Variants in CDH11 observed in about 807,000 individuals in gnomAD.
CDH11 encodes cadherin-11.
Under a neutral mutation model 67.8 loss-of-function variants are expected in CDH11, and 11 were observed. The observed-to-expected ratio is 0.16, with a 90% CI of 0.10 to 0.27. The LOEUF (loss-of-function observed/expected upper bound fraction) is 0.27. Ranked by LOEUF, CDH11 falls within the 10% of genes least tolerant of loss-of-function variation. CDH11 has a pLI of 1.00. For missense variants in CDH11, 847 were observed against 1,031.2 expected, an observed-to-expected ratio of 0.82 and a Z score of 2.45; for synonymous variants, 419 against 400.0, an observed-to-expected ratio of 1.05 and a Z score of -0.57.
At chr16:64,969,157 C>T (rs1255007309) in intron 11 of CDH11, among the ~76,000 whole-genome samples, 2 of 152,060 alleles carry the variant, frequency 1.3e-5, no homozygotes, top group South Asian at 2.1e-4. Flanking sequence ...AGATGGTATC[C>T]GCAAAGTATT....
intron 1 of CDH11, among the ~76,000 whole-genome samples, chr16:65,088,213 G>C (rs1026377955): frequency 6.6e-6 from 1 of 152,104 alleles, no homozygotes; most frequent in Non-Finnish European, 1.5e-5. Flanking sequence ...ACCAGACACC[G>C]AATCAGCTGG....
chr16:64,980,222 C>T (rs1900291803), intron 8 of CDH11, among the ~76,000 whole-genome samples: 1 of 151,956 alleles, frequency 6.6e-6, no homozygotes, highest in Admixed American at 6.6e-5. Flanking sequence ...AAAGTTCATG[C>T]TTCATGATAT....
intron 7 of CDH11, among the ~76,000 whole-genome samples, chr16:64,984,003 G>C (rs1365901973): frequency 6.6e-6 from 1 of 152,192 alleles, no homozygotes; most frequent in Non-Finnish European, 1.5e-5. Flanking sequence ...AGCCCTGTGG[G>C]TGTTGAGGAT....
chr16:64,972,849 T>C (rs758204400), intron 9 of CDH11, 55 bp downstream of exon 9: 46 of 1,581,214 alleles, frequency 2.9e-5, no homozygotes, highest in Middle Eastern at 1.7e-4. Context: ...GAATATAGAG[T>C]CTGAAGCGAT....
chr16:65,090,468 C>T (rs2074775103), intron 1 of CDH11, among the ~76,000 whole-genome samples: 1 of 152,130 alleles, frequency 6.6e-6, no homozygotes, highest in African/African-American at 2.4e-5. Context: ...TTCTCCCCAT[C>T]TGCATCTTGA....
chr16:64,982,387 G>T, intron 7 of CDH11, 86 bp from the exon 8 acceptor site: 1 of 978,270 alleles, frequency 1.0e-6, no homozygotes, highest in Non-Finnish European at 1.6e-6. Flanking sequence ...AGGGACGAGT[G>T]AATATTCCTC....
Position 64,944,735 on chromosome 16 carries a change from C to T in CDH11, c.*2868G>A. 4.3e-6 allele frequency: 1 copy of T among 231,616 alleles called. No individual in the cohort carries two copies. The highest frequency in any genetic ancestry group is 8.6e-6 in the Non-Finnish European group (1 of 116,956). The allele number at this position is 231,616 out of a possible 1,614,324, so 14.3% of individuals were successfully genotyped here. On this transcript the variant is annotated 3_prime_UTR_variant, in exon 13 of 13. Coordinates refer to ENST00000268603, the MANE Select transcript of CDH11 (RefSeq NM_001797.4). ...AGAAACCCAGGCCTAAAAGAAATAA[C>T]TTAGCTAAACCCAAGATCTGTCCAG...
intron 11 of CDH11, 21 bp from the exon 12 acceptor site, chr16:64,951,039 G>C (rs760705911): frequency 2.5e-6 from 4 of 1,606,468 alleles, no homozygotes. Context: ...AGGGGAGACA[G>C]GCCGTGCGCC....
intron 11 of CDH11, among the ~76,000 whole-genome samples, chr16:64,967,505 A>T (rs2071871484): frequency 6.6e-6 from 1 of 152,184 alleles, no homozygotes; most frequent in Non-Finnish European, 1.5e-5. Context: ...TTTATCCTAA[A>T]AGAATAATTA....
rs767357192 is a variant in CDH11 at position 64,950,930 on chromosome 16, G to C, written c.1731C>G (p.Gly577=). 5.0e-6 allele frequency: 8 copies of C among 1,614,038 alleles called. No homozygotes were observed. Among genetic ancestry groups the C allele is most frequent in the East Asian group, 2.2e-5 (1 of 44,874 alleles). Residue 577 remains glycine (G), a synonymous_variant, in exon 12 of 13, where the codon GGC becomes GGG. Coordinates refer to ENST00000268603, the MANE Select transcript of CDH11 (RefSeq NM_001797.4). ...LYLLPIVISD[G]GIPPMSSTNT... ...TGGTGCTACTCATGGGCGGGATGCC[G>C]CCATCGCTGATCACTATGGGCAGAA...
chr16:64,948,488 G>A (rs1228586192), intron 12 of CDH11: 13 of 876,082 alleles, frequency 1.5e-5, no homozygotes, highest in Non-Finnish European at 2.0e-5. Flanking sequence ...TTTTTCCAAG[G>A]TTTAAAAATG....
intron 8 of CDH11, among the ~76,000 whole-genome samples, chr16:64,978,432 T>C (rs2072239310): frequency 6.6e-6 from 1 of 152,152 alleles, no homozygotes. Flanking sequence ...ACATAGATAA[T>C]ATGCAAACAA....
At chr16:64,965,239 G>A (rs566920717) in intron 11 of CDH11, among the ~76,000 whole-genome samples, 62 of 142,576 alleles carry the variant, frequency 4.3e-4, no homozygotes, top group African/African-American at 1.5e-3. Context: ...AAAATTAGCC[G>A]GGTGTGCTGG....
At chr16:64,969,341 G>A (rs1046679571) in intron 11 of CDH11, among the ~76,000 whole-genome samples, 1 of 152,128 alleles carries the variant, frequency 6.6e-6, no homozygotes. Context: ...CTGTTTGTAG[G>A]TGTCCCATGA....
chr16:65,104,389 A>G (rs2075037380), intron 1 of CDH11, among the ~76,000 whole-genome samples: 1 of 152,222 alleles, frequency 6.6e-6, no homozygotes, highest in South Asian at 2.1e-4. Context: ...AGTAAGATGC[A>G]TAAACTCTTT....
chr16:65,005,932 C>G (rs767465004), intron 2 of CDH11, among the ~76,000 whole-genome samples: 8 of 152,190 alleles, frequency 5.3e-5, no homozygotes, highest in Non-Finnish European at 8.8e-5. Flanking sequence ...CCAGTAATGC[C>G]TTTCACCTTT....
At chr16:65,102,138 C>T (rs1164172250) in intron 1 of CDH11, among the ~76,000 whole-genome samples, 1 of 152,168 alleles carries the variant, frequency 6.6e-6, no homozygotes, top group Non-Finnish European at 1.5e-5. Context: ...AAAATGCCTG[C>T]AGACAACAGC....
Position 65,045,329 on chromosome 16 carries a change from G to GTATATATATATATATA in CDH11, c.-173+8459_-173+8474dup, listed in dbSNP as rs57695452. On this transcript the variant is annotated intron_variant, in intron 2 of 12. Coordinates refer to ENST00000268603, the MANE Select transcript of CDH11 (RefSeq NM_001797.4). ...TTTTAAAAATTTGTTTCCCTCAAAA[G>GTATATATATATATATA]TATATATATATATATATATATATAT... 1.6e-3 allele frequency among the ~76,000 whole-genome samples: 102 copies of GTATATATATATATATA among 63,236 alleles called. 7 individuals are homozygous for GTATATATATATATATA. Among genetic ancestry groups the GTATATATATATATATA allele is most frequent in the Non-Finnish European group, 2.0e-3 (62 of 30,346 alleles). 41.5% of individuals were successfully genotyped at this position (63,236 alleles called of 152,430 possible). A position where few individuals can be genotyped will look rare whatever the true frequency, so the allele number is the denominator to read the frequency against.
intron 1 of CDH11, among the ~76,000 whole-genome samples, chr16:65,120,069 T>G (rs2075299564): frequency 6.6e-6 from 1 of 152,206 alleles, no homozygotes; most frequent in African/African-American, 2.4e-5. Context: ...TTTGTAACTT[T>G]TTTTCCTTTG....
Sources: allele counts gnomAD v4.1 joint callset (sites outside exome capture counted in the v4.1 genomes callset), GRCh38; gene constraint gnomAD v4.1.1; transcripts MANE v1.5; gene names NCBI Gene and HGNC (gene_info 2026-07-23, HGNC 2026-07-21).